FBXW2: variants seen among roughly 807,000 people sequenced by gnomAD.
FBXW2 encodes F-box/WD repeat-containing protein 2.
A neutral mutation model predicts 46.0 loss-of-function variants in FBXW2; 12 were observed. That is an observed-to-expected ratio of 0.26 (90% CI 0.17 to 0.42). FBXW2 has a LOEUF of 0.42. Among genes scored for constraint, FBXW2 ranks in the 10% least tolerant of loss-of-function variants. The pLI, the probability that FBXW2 is intolerant of heterozygous loss-of-function variation, is 1.00. For synonymous variants in FBXW2, 203 were observed against 209.6 expected, an observed-to-expected ratio of 0.97 and a Z score of 0.27; for missense variants, 360 against 537.0, an observed-to-expected ratio of 0.67 and a Z score of 3.26.
intron 7 of FBXW2, among the ~76,000 whole-genome samples, chr9:120,770,159 G>A (rs1393832968): frequency 6.6e-6 from 1 of 152,112 alleles, no homozygotes; most frequent in Non-Finnish European, 1.5e-5. Flanking sequence ...GGTGGATCAC[G>A]AGGTCAGGAG....
intron 5 of FBXW2, among the ~76,000 whole-genome samples, chr9:120,773,299 G>A (rs924997128): frequency 1.3e-5 from 2 of 151,938 alleles, no homozygotes; most frequent in African/African-American, 4.8e-5. Context: ...TTAAGAGAGG[G>A]AACAGAAAAG....
chr9:120,782,403 T>C (rs1373162411), intron 3 of FBXW2, among the ~76,000 whole-genome samples: 1 of 151,816 alleles, frequency 6.6e-6, no homozygotes, highest in African/African-American at 2.4e-5. Context: ...GAGGTGAGGT[T>C]GCAGTGAGCC....
In FBXW2 at chr9:120,789,944, T is replaced by C. The variant is rs555298607; in HGVS notation, c.-20-1666A>G. 1.8e-4 allele frequency among the ~76,000 whole-genome samples: 28 copies of C among 152,338 alleles called. No homozygotes were observed. The South Asian group carries it at 5.0e-3, about 27-fold the overall frequency. The stretch of plus-strand genomic sequence containing the variant: ...GTTTGGGCTAGAGAAGATTTATTAA[T>C]CTGTATTAAAAATTTACCTAGCTGA... On this transcript the variant is annotated intron_variant, in intron 2 of 7. Coordinates refer to ENST00000608872, the MANE Select transcript of FBXW2 (RefSeq NM_012164.4).
chr9:120,765,407 A>G (rs1004309729), intron 7 of FBXW2, among the ~76,000 whole-genome samples: 1 of 152,172 alleles, frequency 6.6e-6, no homozygotes, highest in Admixed American at 6.5e-5. Flanking sequence ...ATGAAAGTTT[A>G]TAAAAGTACA....
chr9:120,776,392 T>C lies in FBXW2; in HGVS notation c.686-166A>G. ...TTTTCTGATAAAACTATTTCAAAAT[T>C]CTTACTATTATAGCTTATTATTCTA... On this transcript the variant is annotated intron_variant, in intron 4 of 7. Coordinates refer to ENST00000608872, the MANE Select transcript of FBXW2 (RefSeq NM_012164.4). 5.5e-6 allele frequency: 4 copies of C among 728,762 alleles called. No homozygotes were observed. In the South Asian group the frequency reaches 6.0e-5, roughly 11 times the overall value. The allele number at this position is 728,762 out of a possible 1,614,324, so 45.1% of individuals were successfully genotyped here.
At chr9:120,776,300 T>C in intron 4 of FBXW2, 74 bp from the exon 5 acceptor site, 2 of 1,493,846 alleles carry the variant, frequency 1.3e-6, no homozygotes, top group Non-Finnish European at 1.8e-6. Flanking sequence ...TCAATAATGT[T>C]TATTTTCCCC....
At position 120,764,517 on chromosome 9, in the gene FBXW2, GC is replaced by G. The variant is rs1328525711; in HGVS notation, c.*41del. ...GCAGAGGTTGCACCCAAAACCCGCA[GC>G]CCCGGCACCCAAAGTCAGTCAGCGG... On this transcript the variant is annotated 3_prime_UTR_variant, in exon 8 of 8. Coordinates refer to ENST00000608872, the MANE Select transcript of FBXW2 (RefSeq NM_012164.4). The G allele has an allele frequency of 6.3e-7, 1 of 1,586,124 alleles. No individual in the cohort carries two copies. Among genetic ancestry groups the G allele is most frequent in the Non-Finnish European group, 8.6e-7 (1 of 1,161,150 alleles).
At chr9:120,776,275 CT>C in intron 4 of FBXW2, 49 bp from the exon 5 acceptor site, 1 of 1,591,576 alleles carries the variant, frequency 6.3e-7, no homozygotes, top group South Asian at 1.1e-5. Context: ...GTCAGTGGGT[CT>C]TTTATAATAG....
At chr9:120,792,913 T>C (rs2044880967) in intron 2 of FBXW2, 5 of 1,528,122 alleles carry the variant, frequency 3.3e-6, no homozygotes, top group Non-Finnish European at 4.4e-6. Context: ...CCCACAATTA[T>C]GGCGCAGTAT....
rs566135074 is a variant in FBXW2 at position 120,776,345 on chromosome 9, AATG to A, written c.686-122_686-120del. ...ATTTCCCAACCAGAGACACCGTAAG[AATG>A]ATGCTATTCAACTAGCAATTTTCTG... On this transcript the variant is annotated intron_variant, in intron 4 of 7. Coordinates refer to ENST00000608872, the MANE Select transcript of FBXW2 (RefSeq NM_012164.4). 65 of 1,146,434 alleles carry A rather than the reference AATG, an allele frequency of 5.7e-5. 1 individual carries two copies. In the Middle Eastern group the frequency reaches 2.5e-3, roughly 43 times the overall value. The allele number at this position is 1,146,434 out of a possible 1,614,324, so 71.0% of individuals were successfully genotyped here. A position where few individuals can be genotyped will look rare whatever the true frequency, so the allele number is the denominator to read the frequency against.
In FBXW2 at chr9:120,788,171, C is replaced by A; in HGVS notation, c.88G>T (p.Asp30Tyr). The A allele has an allele frequency of 6.2e-7, 1 of 1,614,098 alleles. No homozygotes were observed. Among genetic ancestry groups the A allele is most frequent in the Non-Finnish European group, 8.5e-7 (1 of 1,180,016 alleles). ...LTDLQKNETLDHLISLSGAVQ... is the reference protein window; with the variant it reads ...LTDLQKNETLYHLISLSGAVQ... ...GCCCCACTCAGACTAATCAGGTGAT[C>A]CAGAGTTTCATTTTTCTGCAAGTCC... Residue 30 changes from aspartate (D) to tyrosine (Y), a missense_variant, in exon 3 of 8, where the codon GAT becomes TAT. Coordinates refer to ENST00000608872, the MANE Select transcript of FBXW2 (RefSeq NM_012164.4).
At chr9:120,774,286 G>A (rs1235048434) in intron 5 of FBXW2, among the ~76,000 whole-genome samples, 4 of 146,648 alleles carry the variant, frequency 2.7e-5, no homozygotes, top group Admixed American at 1.4e-4. Flanking sequence ...GCAGTGAGCC[G>A]AGATCGTGCC....
At chr9:120,783,105 CA>C (rs35546603) in intron 3 of FBXW2, among the ~76,000 whole-genome samples, 1 of 147,068 alleles carries the variant, frequency 6.8e-6, no homozygotes, top group Non-Finnish European at 1.5e-5. Context: ...GCACAATTTG[CA>C]AAAAAAAAGG....
chr9:120,765,030 C>T (rs2044250056), intron 7 of FBXW2, among the ~76,000 whole-genome samples, 183 bp from the exon 8 acceptor site: 1 of 150,386 alleles, frequency 6.6e-6, no homozygotes, highest in African/African-American at 2.5e-5. Context: ...AAGCCGGGAG[C>T]GGGAGAGGTG....
chr9:120,772,138 T>A (rs1384910682), intron 6 of FBXW2, among the ~76,000 whole-genome samples: 1 of 145,082 alleles, frequency 6.9e-6, no homozygotes, highest in Non-Finnish European at 1.5e-5. Flanking sequence ...TTCATTACAA[T>A]AAATATTTAT....
chr9:120,775,724 G>A (rs1190726526), intron 5 of FBXW2, among the ~76,000 whole-genome samples: 2 of 152,062 alleles, frequency 1.3e-5, no homozygotes, highest in African/African-American at 2.4e-5. Flanking sequence ...AAAGAAACAT[G>A]TTTATTCTAA....
At chr9:120,787,553 G>T (rs1274808583) in intron 3 of FBXW2, among the ~76,000 whole-genome samples, 2 of 152,094 alleles carry the variant, frequency 1.3e-5, no homozygotes, top group African/African-American at 4.8e-5. Flanking sequence ...AAGACAGTCT[G>T]AAGTGTTTTT....
chr9:120,765,031 G>A lies in FBXW2; in HGVS notation c.1077-184C>T, dbSNP rs1297019327. On this transcript the variant is annotated intron_variant, in intron 7 of 7. Transcript: ENST00000608872. ...GCCCACTTATAAAAAAGCCGGGAGC[G>A]GGAGAGGTGCGTTCAGTCATTATAT... Among the ~76,000 whole-genome samples the A allele has an allele frequency of 5.3e-5, 8 of 151,938 alleles. No individual in the cohort carries two copies. The South Asian group carries it at 6.2e-4, about 12-fold the overall frequency.
In FBXW2 at chr9:120,764,797, T is replaced by G. The variant is rs201272135; in HGVS notation, c.1127A>C (p.Asp376Ala). The G allele has an allele frequency of 3.7e-6, 6 of 1,608,332 alleles. No individual in the cohort carries two copies. Among genetic ancestry groups the G allele is most frequent in the Non-Finnish European group, 5.1e-6 (6 of 1,175,726 alleles). The change falls in exon 8 of 8, where the codon GAT becomes GCT. Residue 376 changes from aspartate (D) to alanine (A), a missense_variant. Physicochemically the swap from Asp to Ala is moderately radical, Grantham distance 126. Transcript: ENST00000608872. ...GTTGTCAAACAGCAGGGCAAAGATATCTCCAAAGCCAAGCAAGGCCAAGTT... is the reference window on the plus strand; with the variant it reads ...GTTGTCAAACAGCAGGGCAAAGATAGCTCCAAAGCCAAGCAAGGCCAAGTT... ...IANLALLGFG[D>A]IFALLFDNRY...
Sources: gnomAD v4.1 joint callset for allele counts (sites outside exome capture counted in the v4.1 genomes callset) on GRCh38, gnomAD v4.1.1 for gene constraint, MANE v1.5 for transcripts, NCBI Gene and HGNC (gene_info 2026-07-23, HGNC 2026-07-21) for gene names.